LRRC4C: variants seen among roughly 807,000 people sequenced by gnomAD.
LRRC4C encodes leucine rich repeat containing 4C.
Under a neutral mutation model 33.6 loss-of-function variants are expected in LRRC4C, and 5 were observed. The observed-to-expected ratio is 0.15, with a 90% confidence interval of 0.08 to 0.31. LRRC4C has a LOEUF of 0.31. Ranked by LOEUF, LRRC4C falls within the 10% of genes least tolerant of loss-of-function variation. The probability of loss-of-function intolerance (pLI) is 1.00; values close to 1 mark genes in which losing one functional copy is unlikely to be tolerated. For missense variants in LRRC4C, 560 were observed against 796.7 expected (o/e 0.70, Z 3.58); for synonymous variants, 329 against 302.0 (o/e 1.09, Z -0.93).
intron 1 of LRRC4C, among the ~76,000 whole-genome samples, chr11:41,200,074 C>A (rs911469269): frequency 6.6e-6 from 1 of 152,032 alleles, no homozygotes; most frequent in South Asian, 2.1e-4. Context: ...TTCCTTATTC[C>A]TGCTTGAGTC....
chr11:40,825,746 C>T (rs1232413113), intron 2 of LRRC4C, among the ~76,000 whole-genome samples: 1 of 151,514 alleles, frequency 6.6e-6, no homozygotes, highest in Non-Finnish European at 1.5e-5. Context: ...ACGACATGTC[C>T]CCATTTAAGA....
intron 2 of LRRC4C, among the ~76,000 whole-genome samples, chr11:40,781,605 T>C (rs1403901771): frequency 6.6e-6 from 1 of 152,184 alleles, no homozygotes; most frequent in Non-Finnish European, 1.5e-5. Flanking sequence ...GCACAAAAGA[T>C]AATGACTAAA....
chr11:41,218,128 C>A, intron 1 of LRRC4C, among the ~76,000 whole-genome samples: 1 of 93,698 alleles, frequency 1.1e-5, no homozygotes. Flanking sequence ...CTATGACTTC[C>A]TCAAGGTCAC....
chr11:41,013,805 C>G (rs1250794001), intron 1 of LRRC4C, among the ~76,000 whole-genome samples: 1 of 152,104 alleles, frequency 6.6e-6, no homozygotes, highest in Non-Finnish European at 1.5e-5. Flanking sequence ...TCTGCAAACT[C>G]TACAGTAAGT....
intron 1 of LRRC4C, among the ~76,000 whole-genome samples, chr11:41,076,666 G>T (rs1590453627): frequency 6.6e-6 from 1 of 151,992 alleles, no homozygotes; most frequent in East Asian, 1.9e-4. Flanking sequence ...ATTTGAGTGG[G>T]GCCACAGAGC....
At chr11:41,126,549 G>A (rs912008277) in intron 1 of LRRC4C, among the ~76,000 whole-genome samples, 13 of 151,936 alleles carry the variant, frequency 8.6e-5, no homozygotes, top group Admixed American at 6.6e-4. Context: ...GCAGAAGGTG[G>A]CCAGCAGCAT....
At chr11:40,794,876 C>T (rs185560019) in intron 2 of LRRC4C, among the ~76,000 whole-genome samples, 118 of 152,186 alleles carry the variant, frequency 7.8e-4, no homozygotes, top group Non-Finnish European at 1.3e-3. Context: ...TGATATCTGG[C>T]CTAGGATCAA....
rs146337491 is a variant in LRRC4C at position 40,779,229 on chromosome 11, A to G, written c.-406-130951T>C. Among the ~76,000 whole-genome samples, 462 of 152,340 alleles carry G rather than the reference A, an allele frequency of 3.0e-3. 19 individuals are homozygous for G. Among genetic ancestry groups the G allele is most frequent in the Admixed American group, 0.026 (402 of 15,292 alleles). ...AGAGAAGAGACTCAAAGATGATTCAAGTTTTTGGCTTCATCTACTGAGTTT... is the reference window on the plus strand; with the variant it reads ...AGAGAAGAGACTCAAAGATGATTCAGGTTTTTGGCTTCATCTACTGAGTTT... On this transcript the variant is annotated intron_variant, in intron 2 of 6. Coordinates refer to ENST00000528697, the MANE Select transcript of LRRC4C (RefSeq NM_001258419.2).
intron 1 of LRRC4C, among the ~76,000 whole-genome samples, chr11:41,096,798 A>C (rs1468780132): frequency 6.6e-6 from 1 of 152,136 alleles, no homozygotes; most frequent in Non-Finnish European, 1.5e-5. Context: ...AGTCCTAGTA[A>C]AAGATTTTGA....
chr11:40,617,108 T>A (rs955935176), intron 3 of LRRC4C, among the ~76,000 whole-genome samples: 4 of 151,890 alleles, frequency 2.6e-5, no homozygotes, highest in Non-Finnish European at 5.9e-5. Flanking sequence ...AGTGCTCTAT[T>A]ATGTTTTCTA....
intron 3 of LRRC4C, among the ~76,000 whole-genome samples, chr11:40,334,327 C>CA (rs76355969): frequency 0.032 from 4,268 of 133,066 alleles, 87 homozygotes; most frequent in Middle Eastern, 0.061. Context: ...AAGATACCCA[C>CA]AAAAAAAAAA....
intron 2 of LRRC4C, among the ~76,000 whole-genome samples, chr11:40,655,048 G>C (rs758631726): frequency 1.1e-4 from 16 of 152,158 alleles, no homozygotes; most frequent in Non-Finnish European, 2.2e-4. Flanking sequence ...AGAAATGTGA[G>C]TCAATTAAAC....
chr11:40,193,954 A>G (rs1051024418), intron 5 of LRRC4C, among the ~76,000 whole-genome samples: 1 of 152,220 alleles, frequency 6.6e-6, no homozygotes, highest in Non-Finnish European at 1.5e-5. Context: ...ATATGGGACT[A>G]TGTGAAAAGA....
chr11:40,972,872 C>A (rs1423776331), intron 1 of LRRC4C, among the ~76,000 whole-genome samples: 1 of 151,966 alleles, frequency 6.6e-6, no homozygotes, highest in Non-Finnish European at 1.5e-5. Context: ...GTGTCCCCAC[C>A]CAAATCTCAT....
At chr11:40,826,984 TAA>T (rs1370635435) in intron 2 of LRRC4C, among the ~76,000 whole-genome samples, 1 of 151,996 alleles carries the variant, frequency 6.6e-6, no homozygotes, top group African/African-American at 2.4e-5. Flanking sequence ...TCCGTTCTCC[TAA>T]GACTTACGTA....
chr11:40,753,666 A>T (rs1948804852), intron 2 of LRRC4C, among the ~76,000 whole-genome samples: 1 of 151,748 alleles, frequency 6.6e-6, no homozygotes, highest in African/African-American at 2.4e-5. Context: ...ATACTACATA[A>T]TTTTATTTCG....
At chr11:41,225,715 T>C (rs1947504818) in intron 1 of LRRC4C, among the ~76,000 whole-genome samples, 1 of 152,182 alleles carries the variant, frequency 6.6e-6, no homozygotes, top group Non-Finnish European at 1.5e-5. Context: ...TTGATCTTTT[T>C]TCAGTTAACT....
chr11:40,841,981 A>G (rs1952936414), intron 2 of LRRC4C, among the ~76,000 whole-genome samples: 2 of 152,038 alleles, frequency 1.3e-5, no homozygotes, highest in Non-Finnish European at 2.9e-5. Context: ...TTCCCACTCT[A>G]TTTCCCTTCC....
intron 1 of LRRC4C, among the ~76,000 whole-genome samples, chr11:41,008,098 G>A (rs908398341): frequency 2.0e-5 from 3 of 151,852 alleles, no homozygotes; most frequent in African/African-American, 7.3e-5. Flanking sequence ...ACATACCTAA[G>A]AGTAGCCCAC....
Sources: allele counts gnomAD v4.1 joint callset (sites outside exome capture counted in the v4.1 genomes callset), GRCh38; gene constraint gnomAD v4.1.1; transcripts MANE v1.5; gene names NCBI Gene and HGNC (gene_info 2026-07-23, HGNC 2026-07-21).